The following INVS variants were observed in gnomAD, a reference collection of about 807,000 sequenced individuals.
INVS encodes inversin.
INVS carries 86 observed loss-of-function variants against 108.8 expected under a neutral mutation model. The observed-to-expected ratio is 0.79, with a 90% confidence interval of 0.66 to 0.95. The LOEUF (loss-of-function observed/expected upper bound fraction) is 0.95, where lower values mean the gene tolerates loss of function less well. INVS is among the 40% of genes least tolerant of loss of function. The pLI, the probability that INVS is intolerant of heterozygous loss-of-function variation, is 0.00. For missense variants in INVS, 1,169 were observed against 1,297.4 expected (o/e 0.90, Z 1.52); for synonymous variants, 455 against 473.5 (o/e 0.96, Z 0.51).
chr9:100,159,640 G>A (rs976452262), intron 3 of INVS, among the ~76,000 whole-genome samples: 3 of 152,126 alleles, frequency 2.0e-5, no homozygotes, highest in Admixed American at 6.5e-5. Flanking sequence ...TCTGGTGTTT[G>A]TAGCACCTCT....
At chr9:100,135,402 G>A (rs1262682569) in intron 3 of INVS, among the ~76,000 whole-genome samples, 6 of 152,090 alleles carry the variant, frequency 3.9e-5, no homozygotes, top group Non-Finnish European at 5.9e-5. Flanking sequence ...TAGACGTCTG[G>A]GCCCCACCAC....
intron 3 of INVS, among the ~76,000 whole-genome samples, chr9:100,213,692 C>A (rs55662941): frequency 6.6e-6 from 1 of 152,136 alleles, no homozygotes; most frequent in South Asian, 2.1e-4. Context: ...ATGAGCACCA[C>A]GTCTATGCTT....
chr9:100,114,665 C>T (rs1476708517), intron 2 of INVS, among the ~76,000 whole-genome samples: 2 of 152,094 alleles, frequency 1.3e-5, no homozygotes, highest in East Asian at 3.9e-4. Context: ...ATCAGCCTCC[C>T]AAAGTGCTGG....
chr9:100,277,952 A>C (rs1324370999), intron 12 of INVS, among the ~76,000 whole-genome samples: 1 of 152,156 alleles, frequency 6.6e-6, no homozygotes, highest in Non-Finnish European at 1.5e-5. Context: ...GGAATTTTTT[A>C]AATTATGTGA....
At chr9:100,277,757 A>G (rs898579252) in intron 12 of INVS, among the ~76,000 whole-genome samples, 1 of 152,200 alleles carries the variant, frequency 6.6e-6, no homozygotes, top group Non-Finnish European at 1.5e-5. Context: ...TTAAAGATCA[A>G]CTATTTCTAT....
chr9:100,143,721 G>A (rs941865267), intron 3 of INVS, among the ~76,000 whole-genome samples: 16 of 152,100 alleles, frequency 1.1e-4, no homozygotes, highest in South Asian at 4.1e-4. Context: ...AAAGAGTATT[G>A]TCTAAGTTGG....
At chr9:100,168,253 A>G (rs1467541315) in intron 3 of INVS, among the ~76,000 whole-genome samples, 1 of 152,134 alleles carries the variant, frequency 6.6e-6, no homozygotes, top group Non-Finnish European at 1.5e-5. Context: ...AAATGCCTTA[A>G]TTGTTCTGGC....
At chr9:100,290,330 T>C (rs190819125) in intron 13 of INVS, among the ~76,000 whole-genome samples, 102 of 152,340 alleles carry the variant, frequency 6.7e-4, no homozygotes, top group African/African-American at 2.3e-3. Flanking sequence ...TGAGCAGATA[T>C]AGGTATATTT....
At chr9:100,131,725 A>G (rs1245202827) in intron 3 of INVS, 6 of 156,902 alleles carry the variant, frequency 3.8e-5, no homozygotes, top group African/African-American at 9.6e-5. Flanking sequence ...TTTGGCTTCA[A>G]GAAGCTTAAG....
rs566497260 is a variant in INVS, at chr9:100,184,239, T to G, written c.274-41823T>G. 2.0e-4 allele frequency among the ~76,000 whole-genome samples: 30 copies of G among 152,320 alleles called. 1 individual carries two copies. In the East Asian group the frequency reaches 5.4e-3, roughly 27 times the overall value. On this transcript the variant is annotated intron_variant, in intron 3 of 16. Coordinates refer to ENST00000262457, the MANE Select transcript of INVS (RefSeq NM_014425.5). ...TGAGGTAGAAACCAGACAGTAATGC[T>G]TTTTAAAAGCTCCTCACCTGATTCT...
intron 12 of INVS, among the ~76,000 whole-genome samples, chr9:100,274,250 C>T (rs1488411245): frequency 3.3e-5 from 5 of 151,818 alleles, no homozygotes; most frequent in African/African-American, 7.3e-5. Flanking sequence ...GCCAGCTACT[C>T]GGGAGGCTGA....
chr9:100,299,430 T>A (rs1833885182), intron 16 of INVS, among the ~76,000 whole-genome samples: 1 of 151,750 alleles, frequency 6.6e-6, no homozygotes, highest in Non-Finnish European at 1.5e-5. Context: ...AATGCCAGCC[T>A]CCTTGGGCTG....
intron 11 of INVS, 136 bp downstream of exon 11, chr9:100,265,064 T>C: frequency 1.5e-6 from 1 of 683,430 alleles, no homozygotes; most frequent in Non-Finnish European, 2.6e-6. Flanking sequence ...TCCTTCAGCC[T>C]CCTGAGTACC....
chr9:100,293,090 A>C (rs1226653398), intron 14 of INVS, 47 bp downstream of exon 14: 4 of 1,519,594 alleles, frequency 2.6e-6, no homozygotes, highest in African/African-American at 1.4e-5. Flanking sequence ...TGTTACTGAT[A>C]TTCTCAACAT....
chr9:100,248,604 C>T (rs1039021083), intron 8 of INVS, among the ~76,000 whole-genome samples: 3 of 151,876 alleles, frequency 2.0e-5, no homozygotes, highest in African/African-American at 4.8e-5. Flanking sequence ...TATTATTGAA[C>T]ATTATAGAAT....
chr9:100,232,475 T>C (rs1831544737), intron 5 of INVS, among the ~76,000 whole-genome samples: 1 of 152,242 alleles, frequency 6.6e-6, no homozygotes, highest in African/African-American at 2.4e-5. Context: ...CTAGCATTTT[T>C]ATGATTTTAG....
chr9:100,241,064 C>T (rs1019924372), intron 6 of INVS, among the ~76,000 whole-genome samples: 1 of 152,128 alleles, frequency 6.6e-6, no homozygotes, highest in African/African-American at 2.4e-5. Flanking sequence ...ATACTCATCA[C>T]TCTTTTAGTA....
At chr9:100,145,686 A>T (rs918187325) in intron 3 of INVS, among the ~76,000 whole-genome samples, 4 of 152,102 alleles carry the variant, frequency 2.6e-5, no homozygotes, top group African/African-American at 4.8e-5. Context: ...GGACCAAGGC[A>T]GGCGTCCCCG....
At chr9:100,227,053 C>G (rs1394595805) in intron 4 of INVS, among the ~76,000 whole-genome samples, 1 of 152,002 alleles carries the variant, frequency 6.6e-6, no homozygotes, top group Non-Finnish European at 1.5e-5. Flanking sequence ...CTCCTCTGTG[C>G]CTCAATTTTT....
Sources: gnomAD v4.1 joint callset for allele counts (sites outside exome capture counted in the v4.1 genomes callset) on GRCh38, gnomAD v4.1.1 for gene constraint, MANE v1.5 for transcripts, NCBI Gene and HGNC (gene_info 2026-07-23, HGNC 2026-07-21) for gene names.